GALNT13: variants seen among roughly 807,000 people sequenced by gnomAD.
GALNT13 encodes polypeptide N-acetylgalactosaminyltransferase 13.
Under a neutral mutation model 64.2 loss-of-function variants are expected in GALNT13, and 28 were observed. That is an observed-to-expected ratio of 0.44 (90% CI 0.32 to 0.60). GALNT13 has a LOEUF of 0.60. Among genes scored for constraint, GALNT13 ranks in the 20% least tolerant of loss-of-function variants. The pLI, the probability that GALNT13 is intolerant of heterozygous loss-of-function variation, is 0.05. For synonymous variants in GALNT13, 214 were observed against 224.6 expected (o/e 0.95, Z 0.42); for missense variants, 577 against 669.8 (o/e 0.86, Z 1.53).
the GALNT13 span, among the ~76,000 whole-genome samples, chr2:153,404,703 T>C: frequency 6.6e-6 from 1 of 152,168 alleles, no homozygotes; most frequent in African/African-American, 2.4e-5. Context: ...TCAACTCTTA[T>C]GTCTTTGGTA....
chr2:154,107,953 C>T (rs1156755032), intron 3 of GALNT13, among the ~76,000 whole-genome samples: 1 of 151,986 alleles, frequency 6.6e-6, no homozygotes, highest in East Asian at 1.9e-4. Context: ...TTTAAGCATG[C>T]ATATTTTGTC....
chr2:154,329,954 T>G (rs1256597756), intron 9 of GALNT13, among the ~76,000 whole-genome samples: 3 of 152,084 alleles, frequency 2.0e-5, no homozygotes, highest in Admixed American at 1.3e-4. Context: ...CACAGAACCA[T>G]GAGCCAAGTA....
chr2:153,676,233 C>T, the GALNT13 span, among the ~76,000 whole-genome samples: 9 of 152,118 alleles, frequency 5.9e-5, no homozygotes, highest in African/African-American at 1.7e-4. Context: ...TTATTATGAA[C>T]GTCTCTATGC....
At chr2:153,219,768 T>C in the GALNT13 span, among the ~76,000 whole-genome samples, 1 of 152,222 alleles carries the variant, frequency 6.6e-6, no homozygotes, top group Non-Finnish European at 1.5e-5. Flanking sequence ...AGATAACAAA[T>C]TGGTTTTAAG....
At chr2:153,266,815 T>G in the GALNT13 span, among the ~76,000 whole-genome samples, 1 of 152,186 alleles carries the variant, frequency 6.6e-6, no homozygotes, top group Non-Finnish European at 1.5e-5. Context: ...AAATCTCACA[T>G]CATTTTTATG....
the GALNT13 span, among the ~76,000 whole-genome samples, chr2:153,613,517 A>G: frequency 2.0e-5 from 3 of 152,154 alleles, no homozygotes; most frequent in Non-Finnish European, 2.9e-5. Flanking sequence ...TTCCCCTTGA[A>G]TAATAAAATA....
chr2:153,923,307 A>T (rs1689880446), intron 2 of GALNT13, among the ~76,000 whole-genome samples: 1 of 152,198 alleles, frequency 6.6e-6, no homozygotes, highest in Non-Finnish European at 1.5e-5. Context: ...TTTGCCAGAA[A>T]TGTGAAGTGA....
chr2:153,870,497 A>G (rs1444687), upstream of GALNT13, among the ~76,000 whole-genome samples: 124,743 of 151,660 alleles, frequency 0.82, 52,523 homozygotes, highest in Non-Finnish European at 0.9. Context: ...TTCACTAGAG[A>G]GAGCAGTAGA....
chr2:154,156,284 T>C lies in GALNT13; in HGVS notation c.311+15779T>C, dbSNP rs118160567. On this transcript the variant is annotated intron_variant, in intron 4 of 12. Transcript: ENST00000392825. ...AAATTCTTAAGTAAAATTCACATTT[T>C]ATATTCATCCAGTGTCTCATTTCTA... 2.4e-3 allele frequency among the ~76,000 whole-genome samples: 368 copies of C among 152,248 alleles called. 9 individuals carry two copies. In the East Asian group the frequency reaches 0.055, roughly 23 times the overall value.
At chr2:154,315,890 C>T (rs34728406) in intron 9 of GALNT13, among the ~76,000 whole-genome samples, 29,303 of 152,050 alleles carry the variant, frequency 0.19, 3,293 homozygotes, top group Middle Eastern at 0.35. Flanking sequence ...GAGTTCCAGA[C>T]CAGACTGACC....
intron 8 of GALNT13, among the ~76,000 whole-genome samples, chr2:154,296,747 TTTTTA>T (rs1692946779): frequency 6.6e-6 from 1 of 152,162 alleles, no homozygotes; most frequent in African/African-American, 2.4e-5. Context: ...GGCTACTTTA[TTTTTA>T]TTTTATTTTT....
At chr2:154,170,351 G>A (rs1449674805) in intron 4 of GALNT13, among the ~76,000 whole-genome samples, 1 of 152,026 alleles carries the variant, frequency 6.6e-6, no homozygotes, top group African/African-American at 2.4e-5. Context: ...CCTTAATTCA[G>A]TCAAGTTGAC....
At chr2:153,942,691 T>TTA (rs10642626) in intron 2 of GALNT13, among the ~76,000 whole-genome samples, 28,527 of 150,246 alleles carry the variant, frequency 0.19, 3,828 homozygotes, top group East Asian at 0.69. Flanking sequence ...TATCTCTCCA[T>TTA]TATATATATA....
the GALNT13 span, among the ~76,000 whole-genome samples, chr2:153,100,092 G>C: frequency 1.3e-5 from 2 of 152,194 alleles, no homozygotes; most frequent in Non-Finnish European, 2.9e-5. Context: ...ATTCAGAAGA[G>C]ATTATTTTGA....
chr2:154,032,323 A>T, intron 3 of GALNT13, among the ~76,000 whole-genome samples: 1 of 152,052 alleles, frequency 6.6e-6, no homozygotes, highest in South Asian at 2.1e-4. Flanking sequence ...GTAGGCTCAG[A>T]TAGATTAACT....
the GALNT13 span, chr2:153,478,607 G>A: frequency 8.2e-6 from 12 of 1,471,628 alleles, no homozygotes; most frequent in Admixed American, 2.7e-4. Flanking sequence ...GGGTCCGAGG[G>A]GTGGGAAGGC....
chr2:153,522,713 C>G, the GALNT13 span, among the ~76,000 whole-genome samples: 1 of 151,966 alleles, frequency 6.6e-6, no homozygotes, highest in Non-Finnish European at 1.5e-5. Context: ...TGGATGTTTT[C>G]TTATTTTTGA....
chr2:153,206,783 T>A, the GALNT13 span, among the ~76,000 whole-genome samples: 3 of 152,072 alleles, frequency 2.0e-5, no homozygotes, highest in Non-Finnish European at 2.9e-5. Flanking sequence ...TCAAGAAATA[T>A]TTTATGTGAA....
Position 153,986,247 on chromosome 2 carries a change from G to A in GALNT13, c.142+41608G>A, listed in dbSNP as rs1027497718. Among the ~76,000 whole-genome samples, 11 of 151,878 alleles carry A rather than the reference G, an allele frequency of 7.2e-5. No individual in the cohort carries two copies. The Admixed American group carries it at 7.2e-4, about 10-fold the overall frequency. ...TTTTGGAAGAATCTCATGTAGAAAA[G>A]GCAACACTTTCTTTTAAAATTTTGA... On this transcript the variant is annotated intron_variant, in intron 3 of 12. Transcript: ENST00000392825.
Sources: allele counts gnomAD v4.1 joint callset (sites outside exome capture counted in the v4.1 genomes callset), GRCh38; gene constraint gnomAD v4.1.1; transcripts MANE v1.5; gene names NCBI Gene and HGNC (gene_info 2026-07-23, HGNC 2026-07-21).